PHLPP1: variants seen among roughly 807,000 people sequenced by gnomAD.
The protein encoded by PHLPP1 is PH domain leucine-rich repeat-containing protein phosphatase 1.
PHLPP1 carries 42 observed loss-of-function variants against 117.2 expected under a neutral mutation model. That is an observed-to-expected ratio of 0.36 (90% confidence interval 0.28 to 0.46). PHLPP1 has a LOEUF of 0.46. Ranked by LOEUF, PHLPP1 falls within the 20% of genes least tolerant of loss-of-function variation. The pLI is 1.00. For missense variants in PHLPP1, 2,084 were observed against 2,241.9 expected (o/e 0.93, Z 1.42); for synonymous variants, 1,042 against 970.7 (o/e 1.07, Z -1.37).
intron 10 of PHLPP1, among the ~76,000 whole-genome samples, chr18:62,933,035 A>G (rs1180866102): frequency 6.6e-6 from 1 of 152,188 alleles, no homozygotes; most frequent in African/African-American, 2.4e-5. Flanking sequence ...GAAATAAAAT[A>G]CCTAGGAATA....
At chr18:62,949,033 T>G (rs1910377838) in intron 12 of PHLPP1, among the ~76,000 whole-genome samples, 3 of 152,188 alleles carry the variant, frequency 2.0e-5, no homozygotes, top group African/African-American at 4.8e-5. Context: ...TCTACGGTGA[T>G]ATATTCCAAC....
Position 62,941,881 on chromosome 18 carries a change from C to T in PHLPP1, c.3124C>T (p.His1042Tyr). The T allele has an allele frequency of 6.2e-7, 1 of 1,614,022 alleles. No homozygotes were observed. The highest frequency in any genetic ancestry group is 1.1e-5 in the South Asian group (1 of 91,086). ...GGGACACCCCCATTTGAAGATCCTT[C>T]ACATGGCCTATAACCGACTTCAGAG... ...LTGHPHLKIL[H>Y]MAYNRLQSFP... Residue 1042 changes from histidine (H) to tyrosine (Y), a missense_variant, in exon 11 of 17, where the codon CAC becomes TAC. Transcript: ENST00000262719.
chr18:62,728,829 AAAG>A (rs1439597751), intron 1 of PHLPP1, among the ~76,000 whole-genome samples: 2 of 152,150 alleles, frequency 1.3e-5, no homozygotes, highest in Admixed American at 6.5e-5. Context: ...TAATTTTAAA[AAAG>A]GAAGGCTAAC....
At chr18:62,798,671 C>G (rs1344166856) in intron 1 of PHLPP1, among the ~76,000 whole-genome samples, 1 of 152,034 alleles carries the variant, frequency 6.6e-6, no homozygotes, top group East Asian at 1.9e-4. Flanking sequence ...TGAACCTTTC[C>G]CTCTTGTTTT....
chr18:62,855,948 G>C (rs986387255), intron 3 of PHLPP1, among the ~76,000 whole-genome samples: 2 of 152,144 alleles, frequency 1.3e-5, no homozygotes, highest in African/African-American at 4.8e-5. Context: ...TCAACGTGGG[G>C]TTATATCAGT....
At chr18:62,811,616 CATTT>C (rs1599059823) in intron 1 of PHLPP1, among the ~76,000 whole-genome samples, 1 of 149,686 alleles carries the variant, frequency 6.7e-6, no homozygotes, top group East Asian at 2.0e-4. Context: ...AATTAGAAAA[CATTT>C]AAGTGAGAAC....
intron 3 of PHLPP1, among the ~76,000 whole-genome samples, chr18:62,849,328 A>C (rs1017044102): frequency 6.6e-6 from 1 of 152,122 alleles, no homozygotes; most frequent in African/African-American, 2.4e-5. Context: ...TTTAAAGTTA[A>C]ATTCTTTTAA....
chr18:62,826,158 G>GT (rs35765989), intron 1 of PHLPP1: 38,897 of 271,898 alleles, frequency 0.14, 433 homozygotes, highest in South Asian at 0.2. Flanking sequence ...TTATTTATTT[G>GT]TTTTTTTTTT....
intron 3 of PHLPP1, among the ~76,000 whole-genome samples, chr18:62,840,932 C>T (rs750791734): frequency 3.3e-5 from 5 of 152,212 alleles, no homozygotes; most frequent in Non-Finnish European, 2.9e-5. Flanking sequence ...CTGTGTCATC[C>T]AGGCTGGAGT....
At chr18:62,783,524 A>G (rs1568116214) in intron 1 of PHLPP1, among the ~76,000 whole-genome samples, 3 of 151,950 alleles carry the variant, frequency 2.0e-5, no homozygotes, top group South Asian at 2.1e-4. Context: ...CACCACACCC[A>G]GCCCACAAGC....
rs371504204 is a variant in PHLPP1 at position 62,954,754 on chromosome 18, A to C, written c.3325-3875A>C. Among the ~76,000 whole-genome samples the C allele has an allele frequency of 1.1e-3, 174 of 152,364 alleles. 5 individuals are homozygous for C. The South Asian group carries it at 0.034, about 30-fold the overall frequency. ...GATATTTAAAATGTATTAAAATTGC[A>C]TTAAAATGCTATCTATTCTATGCTG... On this transcript the variant is annotated intron_variant, in intron 12 of 16. Coordinates refer to ENST00000262719, the MANE Select transcript of PHLPP1 (RefSeq NM_194449.4).
intron 1 of PHLPP1, among the ~76,000 whole-genome samples, chr18:62,738,674 A>T (rs1270265700): frequency 6.6e-6 from 1 of 152,198 alleles, no homozygotes; most frequent in Admixed American, 6.5e-5. Flanking sequence ...TTAATTTCTA[A>T]ATTAGGTACA....
intron 3 of PHLPP1, among the ~76,000 whole-genome samples, chr18:62,845,466 T>A (rs1915158042): frequency 6.6e-6 from 1 of 152,142 alleles, no homozygotes; most frequent in East Asian, 1.9e-4. Context: ...AGACACATGG[T>A]GAATCACAAT....
chr18:62,905,946 T>C (rs1181673593), intron 8 of PHLPP1, among the ~76,000 whole-genome samples: 1 of 152,022 alleles, frequency 6.6e-6, no homozygotes, highest in African/African-American at 2.4e-5. Flanking sequence ...CTACAGTATG[T>C]ATTTATACCA....
chr18:62,900,688 C>T (rs974032057), intron 6 of PHLPP1, among the ~76,000 whole-genome samples: 5 of 151,868 alleles, frequency 3.3e-5, no homozygotes, highest in Non-Finnish European at 5.9e-5. Context: ...TGGTCTCAAA[C>T]GAACCTTCTA....
intron 5 of PHLPP1, 108 bp downstream of exon 5, chr18:62,895,265 CTT>C (rs1429631143): frequency 8.7e-7 from 1 of 1,150,988 alleles, no homozygotes; most frequent in Non-Finnish European, 1.2e-6. Context: ...TCATGTAAGT[CTT>C]GGCCCCAAAT....
At chr18:62,794,856 G>A (rs927540812) in intron 1 of PHLPP1, among the ~76,000 whole-genome samples, 2 of 152,084 alleles carry the variant, frequency 1.3e-5, no homozygotes, top group Non-Finnish European at 2.9e-5. Flanking sequence ...TTCAGTGCTG[G>A]GGAAGATTTG....
intron 1 of PHLPP1, among the ~76,000 whole-genome samples, chr18:62,758,597 A>G (rs1912107376): frequency 6.6e-6 from 1 of 152,202 alleles, no homozygotes; most frequent in African/African-American, 2.4e-5. Context: ...TTAACTAGGT[A>G]CTGTTGAGTG....
chr18:62,775,854 A>G (rs928030043), intron 1 of PHLPP1, among the ~76,000 whole-genome samples: 1 of 152,246 alleles, frequency 6.6e-6, no homozygotes, highest in African/African-American at 2.4e-5. Context: ...TTTATCCTCT[A>G]TCTACCCTTG....
Sources: gnomAD v4.1 joint callset for allele counts (sites outside exome capture counted in the v4.1 genomes callset) on GRCh38, gnomAD v4.1.1 for gene constraint, MANE v1.5 for transcripts, NCBI Gene and HGNC (gene_info 2026-07-23, HGNC 2026-07-21) for gene names.